VEPH1: variants seen among roughly 807,000 people sequenced by gnomAD.
VEPH1 encodes the protein ventricular zone-expressed PH domain-containing protein homolog 1.
In VEPH1, 80 loss-of-function variants were observed where a neutral mutation model predicts 85.2. The observed-to-expected ratio is 0.94, with a 90% CI of 0.78 to 1.13. The LOEUF is 1.13. Among genes scored for constraint, VEPH1 ranks in the 50% most tolerant of loss-of-function variants. The pLI is 0.00. For missense variants in VEPH1, 955 were observed against 980.5 expected, an observed-to-expected ratio of 0.97 and a Z score of 0.35; for synonymous variants, 297 against 348.0, an observed-to-expected ratio of 0.85 and a Z score of 1.63.
At chr3:157,372,253 C>G (rs1000036006) in intron 7 of VEPH1, among the ~76,000 whole-genome samples, 4 of 152,136 alleles carry the variant, frequency 2.6e-5, no homozygotes, top group Non-Finnish European at 5.9e-5. Flanking sequence ...ATACTGTAAC[C>G]CAATTTTAAT....
At chr3:157,414,230 T>C in intron 5 of VEPH1, 140 bp from the exon 6 acceptor site, 2 of 601,416 alleles carry the variant, frequency 3.3e-6, no homozygotes, top group Non-Finnish European at 5.7e-6. Context: ...CCCTCCTTGG[T>C]ACTCAGGCAA....
chr3:157,314,347 A>AAAAAAAAAAAAAAAAAAAAAAAAAAT (rs1559950154), intron 10 of VEPH1, among the ~76,000 whole-genome samples: 1 of 116,878 alleles, frequency 8.6e-6, no homozygotes, highest in Non-Finnish European at 1.6e-5. Context: ...AAAAAAAAAA[A>AAAAAAAAAAAAAAAAAAAAAAAAAAT]AAAAAAAAAA....
chr3:157,281,999 A>G (rs1716190980), intron 12 of VEPH1, among the ~76,000 whole-genome samples: 1 of 152,106 alleles, frequency 6.6e-6, no homozygotes, highest in African/African-American at 2.4e-5. Flanking sequence ...TCTAGAGTGG[A>G]AAAATAATCT....
chr3:157,486,319 A>T (rs1357946648), intron 2 of VEPH1, among the ~76,000 whole-genome samples: 2 of 152,062 alleles, frequency 1.3e-5, no homozygotes, highest in Admixed American at 6.6e-5. Context: ...AACATGGTGA[A>T]ACCCCGTCTA....
chr3:157,469,093 C>A (rs148478521), intron 3 of VEPH1, among the ~76,000 whole-genome samples: 2 of 152,190 alleles, frequency 1.3e-5, no homozygotes, highest in Non-Finnish European at 2.9e-5. Context: ...CAATAATATA[C>A]CAAGATAACC....
At chr3:157,268,867 C>A (rs1714111998) in intron 12 of VEPH1, among the ~76,000 whole-genome samples, 1 of 152,180 alleles carries the variant, frequency 6.6e-6, no homozygotes, top group African/African-American at 2.4e-5. Flanking sequence ...CCCACCTCAG[C>A]CTCCCGAGTA....
intron 12 of VEPH1, among the ~76,000 whole-genome samples, chr3:157,269,642 GTTT>G (rs11408861): frequency 1.7e-5 from 2 of 115,446 alleles, no homozygotes; most frequent in African/African-American, 3.3e-5. Flanking sequence ...TGTTTTTGTT[GTTT>G]TTTTTTTTTT....
chr3:157,469,136 T>C (rs1736678586), intron 3 of VEPH1, among the ~76,000 whole-genome samples: 1 of 152,200 alleles, frequency 6.6e-6, no homozygotes, highest in East Asian at 1.9e-4. Flanking sequence ...TCTTTGGTGT[T>C]CCATCAAGCA....
At chr3:157,272,813 A>G (rs1714887686) in intron 12 of VEPH1, among the ~76,000 whole-genome samples, 1 of 152,156 alleles carries the variant, frequency 6.6e-6, no homozygotes, top group African/African-American at 2.4e-5. Context: ...AAACACTCTC[A>G]TAATAAGCAG....
intron 5 of VEPH1, among the ~76,000 whole-genome samples, chr3:157,426,468 A>C (rs1364751762): frequency 1.3e-5 from 2 of 152,222 alleles, no homozygotes; most frequent in Non-Finnish European, 2.9e-5. Flanking sequence ...GTTTGTTCAC[A>C]TTATTTTTGA....
intron 6 of VEPH1, among the ~76,000 whole-genome samples, chr3:157,395,423 G>A (rs1195837535): frequency 6.6e-6 from 1 of 152,194 alleles, no homozygotes; most frequent in East Asian, 1.9e-4. Flanking sequence ...AGCCAGATCA[G>A]CCTTTGTGAG....
intron 1 of VEPH1, among the ~76,000 whole-genome samples, chr3:157,496,078 A>G (rs1444218983): frequency 6.6e-6 from 1 of 152,238 alleles, no homozygotes; most frequent in Non-Finnish European, 1.5e-5. Context: ...TCAAGTAGCA[A>G]TAAAATAAAG....
intron 11 of VEPH1, among the ~76,000 whole-genome samples, chr3:157,294,021 T>C (rs776670918): frequency 1.3e-5 from 2 of 151,702 alleles, no homozygotes; most frequent in Non-Finnish European, 2.9e-5. Context: ...ATTGCAGTGA[T>C]TTTTTTTTCT....
In VEPH1 at chr3:157,286,605, C is replaced by A. The variant is rs773518558; in HGVS notation, c.2080G>T (p.Ala694Ser). ...CACATGAAGCATTGCCATGCTCCTGCTGTTTCACTGAAGCCAAACACGTCA... is the reference window on the plus strand; with the variant it reads ...CACATGAAGCATTGCCATGCTCCTGATGTTTCACTGAAGCCAAACACGTCA... ...FFDVFGFSET[A>S]GAWQCFMCNN... The change falls in exon 12 of 14, where the codon GCA (alanine) becomes TCA (serine). Residue 694 changes from alanine (A) to serine (S), a missense_variant. Ala to Ser is a moderately conservative substitution (Grantham distance 99, BLOSUM62 1). Coordinates refer to ENST00000362010, the MANE Select transcript of VEPH1 (RefSeq NM_001167912.2). 6.2e-7 allele frequency: 1 copy of A among 1,614,012 alleles called. No individual in the cohort carries two copies. The highest frequency in any genetic ancestry group is 8.5e-7 in the Non-Finnish European group (1 of 1,179,982).
intron 2 of VEPH1, among the ~76,000 whole-genome samples, chr3:157,471,785 T>C (rs1736983337): frequency 1.3e-5 from 2 of 152,114 alleles, no homozygotes; most frequent in Admixed American, 6.5e-5. Context: ...TATTTGACAT[T>C]TGGCTGCAAA....
At chr3:157,462,067 A>G (rs1449417112) in intron 3 of VEPH1, among the ~76,000 whole-genome samples, 1 of 147,932 alleles carries the variant, frequency 6.8e-6, no homozygotes, top group African/African-American at 2.4e-5. Flanking sequence ...TATATTATAA[A>G]TATAAAAGTA....
At chr3:157,323,955 G>A (rs1057192818) in intron 9 of VEPH1, among the ~76,000 whole-genome samples, 1 of 151,972 alleles carries the variant, frequency 6.6e-6, no homozygotes, top group African/African-American at 2.4e-5. Flanking sequence ...ATATACTTCT[G>A]TATTATTTTA....
At chr3:157,307,670 C>A (rs973963034) in intron 11 of VEPH1, among the ~76,000 whole-genome samples, 1 of 151,810 alleles carries the variant, frequency 6.6e-6, no homozygotes, top group Non-Finnish European at 1.5e-5. Flanking sequence ...TTTCCTCCCC[C>A]ACAGTCTTTC....
chr3:157,392,022 C>T (rs548373863), intron 6 of VEPH1, among the ~76,000 whole-genome samples: 1 of 152,250 alleles, frequency 6.6e-6, no homozygotes, highest in African/African-American at 2.4e-5. Flanking sequence ...ATTGTCCAGA[C>T]AAGGAAGCTG....
Sources: gnomAD v4.1 joint callset for allele counts (sites outside exome capture counted in the v4.1 genomes callset) on GRCh38, gnomAD v4.1.1 for gene constraint, MANE v1.5 for transcripts, NCBI Gene and HGNC (gene_info 2026-07-23, HGNC 2026-07-21) for gene names.